The following USP14 variants were observed in gnomAD, a reference collection of about 807,000 sequenced individuals.
USP14 encodes ubiquitin specific peptidase 14.
In USP14, 38 loss-of-function variants were observed where a neutral mutation model predicts 76.5. The ratio of observed to expected loss-of-function variants is 0.50; its 90% CI spans 0.38 to 0.65. USP14 has a LOEUF of 0.65. Among genes scored for constraint, USP14 ranks in the 30% least tolerant of loss-of-function variants. The pLI is 0.00. For missense variants in USP14, 467 were observed against 586.5 expected (o/e 0.80, Z 2.10); for synonymous variants, 192 against 191.7 (o/e 1.00, Z -0.01).
intron 3 of USP14, among the ~76,000 whole-genome samples, chr18:173,212 A>C (rs1246504880): frequency 6.7e-6 from 1 of 149,108 alleles, no homozygotes; most frequent in Non-Finnish European, 1.5e-5. Flanking sequence ...GGTTCACGCC[A>C]TTCTCCTGCC....
intron 13 of USP14, 143 bp downstream of exon 13, chr18:204,835 A>C: frequency 1.1e-6 from 1 of 883,306 alleles, no homozygotes. Flanking sequence ...TCTGTATTAC[A>C]ATTAGCAGGT....
chr18:171,553 T>C (rs530239295), intron 3 of USP14, among the ~76,000 whole-genome samples: 4 of 152,306 alleles, frequency 2.6e-5, no homozygotes, highest in African/African-American at 9.6e-5. Flanking sequence ...TTTCAAAATA[T>C]TACTGCTTAT....
In USP14 at chr18:199,190, T is replaced by C; in HGVS notation, c.762-12T>C. ...ATACCCGTTGGCATATTCCTTATCT[T>C]AGTTTACAAAGCATGAAATGTACAG... On this transcript the variant is annotated splice_polypyrimidine_tract_variant and intron_variant, in intron 9 of 15. Coordinates refer to ENST00000261601, the MANE Select transcript of USP14 (RefSeq NM_005151.4). The C allele has an allele frequency of 6.4e-7, 1 of 1,572,952 alleles. No homozygotes were observed.
At chr18:164,164 G>A (rs2144208178) in intron 2 of USP14, among the ~76,000 whole-genome samples, 1 of 152,284 alleles carries the variant, frequency 6.6e-6, no homozygotes, top group African/African-American at 2.4e-5. Context: ...CTATGAGGAT[G>A]TATTAAAAGT....
At chr18:189,705 T>C (rs1352207581) in intron 5 of USP14, among the ~76,000 whole-genome samples, 1 of 152,118 alleles carries the variant, frequency 6.6e-6, no homozygotes, top group East Asian at 1.9e-4. Context: ...ATGGTCTCGA[T>C]CTCTTGACCT....
At chr18:190,359 T>C (rs571975417) in intron 5 of USP14, among the ~76,000 whole-genome samples, 1 of 152,310 alleles carries the variant, frequency 6.6e-6, no homozygotes, top group East Asian at 1.9e-4. Flanking sequence ...TAAAAGGATT[T>C]ATATATTCAG....
chr18:179,089 T>A, intron 4 of USP14, 52 bp downstream of exon 4: 1 of 1,286,012 alleles, frequency 7.8e-7, no homozygotes, highest in Non-Finnish European at 1.1e-6. Flanking sequence ...GAAGGACCAT[T>A]ATTAAGGTGT....
chr18:192,718 T>G, intron 5 of USP14, 124 bp from the exon 6 acceptor site: 1 of 752,972 alleles, frequency 1.3e-6, no homozygotes, highest in South Asian at 2.1e-5. Flanking sequence ...AAAGGAAAGG[T>G]GGGAACAACT....
rs981287666 is a variant in USP14, at chr18:208,946, A to T, written c.1165-1025A>T. On this transcript the variant is annotated intron_variant, in intron 13 of 15. Coordinates refer to ENST00000261601, the MANE Select transcript of USP14 (RefSeq NM_005151.4). ...TTTTTATTAGACACAGGGTTTCATC[A>T]TGTTGGCCAGGCTGGTCTCGAGCTC... is the stretch of plus-strand genomic sequence containing the variant. Among the ~76,000 whole-genome samples the T allele has an allele frequency of 7.4e-4, 113 of 152,230 alleles. 1 individual carries two copies. Among genetic ancestry groups the T allele is most frequent in the African/African-American group, 2.5e-3 (104 of 41,532 alleles).
chr18:167,602 C>T (rs1242893395), intron 3 of USP14, among the ~76,000 whole-genome samples: 2 of 151,958 alleles, frequency 1.3e-5, no homozygotes, highest in African/African-American at 2.4e-5. Flanking sequence ...AACTCCCAGC[C>T]TCAAGCAGTC....
intron 13 of USP14, among the ~76,000 whole-genome samples, chr18:209,429 C>T (rs942934814): frequency 6.6e-6 from 1 of 152,174 alleles, no homozygotes; most frequent in African/African-American, 2.4e-5. Flanking sequence ...TGAGTTGAAG[C>T]AGTGAGTTCC....
chr18:209,121 CT>C (rs35848582), intron 13 of USP14, among the ~76,000 whole-genome samples: 26,143 of 143,848 alleles, frequency 0.18, 2,523 homozygotes, highest in Non-Finnish European at 0.24. Flanking sequence ...GATGTTTTGC[CT>C]TTTTTTTTTT....
chr18:194,893 T>C (rs1910189442), intron 6 of USP14, among the ~76,000 whole-genome samples: 2 of 152,222 alleles, frequency 1.3e-5, no homozygotes, highest in African/African-American at 4.8e-5. Context: ...ATTGTGTCAG[T>C]GTACTCCAGC....
chr18:168,990 T>C (rs1909360563), intron 3 of USP14, among the ~76,000 whole-genome samples: 1 of 151,566 alleles, frequency 6.6e-6, no homozygotes, highest in African/African-American at 2.4e-5. Context: ...GGCAGGAGAA[T>C]GGCATGAGCC....
At chr18:186,536 G>A (rs562114104) in intron 5 of USP14, among the ~76,000 whole-genome samples, 8 of 152,124 alleles carry the variant, frequency 5.3e-5, no homozygotes, top group Non-Finnish European at 1.0e-4. Context: ...GCAGATCACC[G>A]AAGGTCAGGA....
rs1486526800 is a variant in USP14 at position 214,346 on chromosome 18, C to G, written c.*3062C>G. On this transcript the variant is annotated 3_prime_UTR_variant, in exon 16 of 16. Coordinates refer to ENST00000261601, the MANE Select transcript of USP14 (RefSeq NM_005151.4). ...AATTTGGTATAAGAAACGACATATCCCTAAATAGTGCTTATTTAACTTCAT... is the reference window on the plus strand; with the variant it reads ...AATTTGGTATAAGAAACGACATATCGCTAAATAGTGCTTATTTAACTTCAT... The G allele has an allele frequency of 3.2e-6, 1 of 312,734 alleles. No individual in the cohort carries two copies. Among genetic ancestry groups the G allele is most frequent in the East Asian group, 6.7e-5 (1 of 14,938 alleles). The allele number at this position is 312,734 out of a possible 1,614,324, so 19.4% of individuals were successfully genotyped here. A position where few individuals can be genotyped will look rare whatever the true frequency, so the allele number is the denominator to read the frequency against.
At chr18:161,271 C>A (rs1481638192) in intron 1 of USP14, among the ~76,000 whole-genome samples, 1 of 152,144 alleles carries the variant, frequency 6.6e-6, no homozygotes, top group East Asian at 1.9e-4. Flanking sequence ...ATAATTTGAT[C>A]CTTAGCCAGC....
intron 10 of USP14, among the ~76,000 whole-genome samples, chr18:200,510 A>G (rs532985026): frequency 6.6e-6 from 1 of 152,368 alleles, no homozygotes; most frequent in Admixed American, 6.5e-5. Flanking sequence ...TGGCAGAGCC[A>G]GAACTAGAAC....
intron 5 of USP14, among the ~76,000 whole-genome samples, chr18:186,096 C>T (rs1346735873): frequency 6.6e-6 from 1 of 152,070 alleles, no homozygotes; most frequent in Non-Finnish European, 1.5e-5. Context: ...TTCACTTTTT[C>T]TCAGCCATCT....
Sources: allele counts gnomAD v4.1 joint callset (sites outside exome capture counted in the v4.1 genomes callset), GRCh38; gene constraint gnomAD v4.1.1; transcripts MANE v1.5; gene names NCBI Gene and HGNC (gene_info 2026-07-23, HGNC 2026-07-21).